The following TUSC3 variants were observed in gnomAD, a reference collection of about 807,000 sequenced individuals.
TUSC3 encodes the protein tumor suppressor candidate 3, also known as dolichyl-diphosphooligosaccharide--protein glycosyltransferase subunit TUSC3.
TUSC3 carries 45 observed loss-of-function variants against 44.8 expected under a neutral mutation model. The observed-to-expected ratio is 1.00, with a 90% confidence interval of 0.79 to 1.29. TUSC3 has a LOEUF of 1.29. Ranked by LOEUF, TUSC3 falls within the 50% of genes most tolerant of loss-of-function variation. The pLI is 0.00. For synonymous variants in TUSC3, 212 were observed against 152.9 expected, an observed-to-expected ratio of 1.39 and a Z score of -2.85; for missense variants, 519 against 437.9, an observed-to-expected ratio of 1.19 and a Z score of -1.65.
chr8:15,434,984 C>A (rs13258854), intron 1 of TUSC3, among the ~76,000 whole-genome samples: 63,755 of 147,636 alleles, frequency 0.43, 15,669 homozygotes, highest in Non-Finnish European at 0.54. Context: ...TGAATAGTGC[C>A]GCAGTAAACA....
intron 2 of TUSC3, among the ~76,000 whole-genome samples, chr8:15,640,683 G>T (rs1330394246): frequency 1.3e-5 from 2 of 152,096 alleles, no homozygotes; most frequent in African/African-American, 4.8e-5. Context: ...TACTAGTATG[G>T]TGCTATTATA....
At chr8:15,499,933 A>T (rs757418082) in intron 2 of TUSC3, among the ~76,000 whole-genome samples, 1 of 152,216 alleles carries the variant, frequency 6.6e-6, no homozygotes, top group Non-Finnish European at 1.5e-5. Context: ...ACCCAGATGA[A>T]TACACTTGGC....
At chr8:15,501,735 T>G (rs944065983) in intron 2 of TUSC3, among the ~76,000 whole-genome samples, 2 of 152,230 alleles carry the variant, frequency 1.3e-5, no homozygotes, top group Non-Finnish European at 2.9e-5. Flanking sequence ...TAGTGATAGA[T>G]AACACTTACT....
intron 10 of TUSC3, among the ~76,000 whole-genome samples, chr8:15,762,664 T>G (rs1812208220): frequency 6.6e-6 from 1 of 152,148 alleles, no homozygotes; most frequent in African/African-American, 2.4e-5. Context: ...TAAGTATCAG[T>G]TCATTTTATG....
chr8:15,620,006 T>C (rs1805173053), intron 1 of TUSC3, among the ~76,000 whole-genome samples: 1 of 152,150 alleles, frequency 6.6e-6, no homozygotes, highest in South Asian at 2.1e-4. Flanking sequence ...AGGTTGCGAT[T>C]TGCTGAGATT....
At chr8:15,635,334 C>T (rs890552641) in intron 2 of TUSC3, among the ~76,000 whole-genome samples, 2 of 152,062 alleles carry the variant, frequency 1.3e-5, no homozygotes, top group Non-Finnish European at 2.9e-5. Context: ...GAGAGGAAGT[C>T]GAGTCACACA....
chr8:15,680,387 A>C (rs189756992), intron 6 of TUSC3, among the ~76,000 whole-genome samples: 31 of 151,794 alleles, frequency 2.0e-4, no homozygotes, highest in Admixed American at 2.6e-4. Context: ...TGTGTTCTTG[A>C]TTTGGTTCTT....
chr8:15,518,140 C>T (rs1485667433), intron 2 of TUSC3, among the ~76,000 whole-genome samples: 1 of 152,056 alleles, frequency 6.6e-6, no homozygotes, highest in African/African-American at 2.4e-5. Flanking sequence ...GGCTTTTGTA[C>T]TTGGCTTGTT....
intron 1 of TUSC3, among the ~76,000 whole-genome samples, chr8:15,562,116 C>G (rs944047397): frequency 1.3e-5 from 2 of 152,150 alleles, no homozygotes; most frequent in Middle Eastern, 3.2e-3. Context: ...AGGAGTCTAG[C>G]TTCAGAGATC....
chr8:15,797,667 C>A, the TUSC3 span, among the ~76,000 whole-genome samples: 2 of 152,172 alleles, frequency 1.3e-5, no homozygotes, highest in Non-Finnish European at 2.9e-5. Context: ...GTTTAGGCAA[C>A]AGTCGGGGAG....
At chr8:15,514,064 C>G (rs1563271167) in intron 2 of TUSC3, among the ~76,000 whole-genome samples, 1 of 152,174 alleles carries the variant, frequency 6.6e-6, no homozygotes, top group Non-Finnish European at 1.5e-5. Flanking sequence ...AAGGTCCCTT[C>G]TATGCGCCAC....
At chr8:15,829,276 C>T in the TUSC3 span, among the ~76,000 whole-genome samples, 2 of 152,252 alleles carry the variant, frequency 1.3e-5, no homozygotes, top group African/African-American at 4.8e-5. Context: ...TCTTTTTGAG[C>T]ATAAACGTTT....
At chr8:15,611,024 A>G (rs1463995584) in intron 1 of TUSC3, among the ~76,000 whole-genome samples, 1 of 152,222 alleles carries the variant, frequency 6.6e-6, no homozygotes, top group Non-Finnish European at 1.5e-5. Flanking sequence ...AAAGTGTGAT[A>G]TTAGAATAAC....
At chr8:15,826,098 C>A in the TUSC3 span, among the ~76,000 whole-genome samples, 1 of 152,022 alleles carries the variant, frequency 6.6e-6, no homozygotes, top group Non-Finnish European at 1.5e-5. Context: ...GAACTGAGCT[C>A]AGAGTTTCCA....
chr8:15,570,357 C>G (rs1307849438), intron 1 of TUSC3, among the ~76,000 whole-genome samples: 1 of 151,672 alleles, frequency 6.6e-6, no homozygotes, highest in African/African-American at 2.4e-5. Context: ...ATGTTGCTTG[C>G]TGGAAATTGG....
rs79826997 is a variant in TUSC3 at position 15,641,835 on chromosome 8, A to T, written c.309-8862A>T. Among the ~76,000 whole-genome samples, 588 of 152,336 alleles carry T rather than the reference A, an allele frequency of 3.9e-3. 11 individuals are homozygous for T. In the East Asian group the frequency reaches 0.056, roughly 14 times the overall value. ...ATTGTTTGGAAGTCATGATAAAAGT[A>T]TTATGGTTATTTTATATGTATCTAA... On this transcript the variant is annotated intron_variant, in intron 2 of 10. Transcript: ENST00000503731.
intron 6 of TUSC3, among the ~76,000 whole-genome samples, chr8:15,681,092 A>T (rs1473633313): frequency 6.7e-6 from 1 of 148,914 alleles, no homozygotes. Flanking sequence ...GCTGCTGGCT[A>T]CATAGAACGT....
intron 1 of TUSC3, among the ~76,000 whole-genome samples, chr8:15,582,175 G>T (rs563330761): frequency 6.6e-6 from 1 of 152,332 alleles, no homozygotes; most frequent in East Asian, 1.9e-4. Flanking sequence ...GCTCGCGCAT[G>T]GTGCGCGCAC....
At chr8:15,687,554 T>C (rs1808690580) in intron 6 of TUSC3, among the ~76,000 whole-genome samples, 1 of 152,198 alleles carries the variant, frequency 6.6e-6, no homozygotes, top group Non-Finnish European at 1.5e-5. Context: ...TTCCACCTGG[T>C]TTTAATTTTT....
Sources: allele counts gnomAD v4.1 joint callset (sites outside exome capture counted in the v4.1 genomes callset), GRCh38; gene constraint gnomAD v4.1.1; transcripts MANE v1.5; gene names NCBI Gene and HGNC (gene_info 2026-07-23, HGNC 2026-07-21).